BMP5: variants seen among roughly 807,000 people sequenced by gnomAD.
BMP5 encodes the protein bone morphogenetic protein 5.
In BMP5, 23 loss-of-function variants were observed where a neutral mutation model predicts 46.6. The ratio of observed to expected loss-of-function variants is 0.49; its 90% CI spans 0.35 to 0.70. BMP5 has a LOEUF of 0.70. Ranked by LOEUF, BMP5 falls within the 30% of genes least tolerant of loss-of-function variation. The probability of loss-of-function intolerance (pLI) is 0.00; values close to 1 mark genes in which losing one functional copy is unlikely to be tolerated. For synonymous variants in BMP5, 204 were observed against 191.9 expected (o/e 1.06, Z -0.52); for missense variants, 545 against 565.6 (o/e 0.96, Z 0.37).
intron 2 of BMP5, 73 bp downstream of exon 2, chr6:55,819,580 CAT>C: frequency 3.4e-6 from 4 of 1,186,252 alleles, no homozygotes; most frequent in Non-Finnish European, 4.9e-6. Context: ...TGATAGATCA[CAT>C]GAGTTATCAA....
At chr6:55,857,222 A>G (rs1341710696) in intron 1 of BMP5, among the ~76,000 whole-genome samples, 1 of 152,176 alleles carries the variant, frequency 6.6e-6, no homozygotes, top group African/African-American at 2.4e-5. Context: ...AGCTAACACA[A>G]TATGTTACTT....
chr6:55,850,427 GTAGA>G (rs934675002), intron 1 of BMP5, among the ~76,000 whole-genome samples: 3 of 151,902 alleles, frequency 2.0e-5, no homozygotes, highest in Non-Finnish European at 2.9e-5. Context: ...TAGATTAGAG[GTAGA>G]TAGATAGATC....
At chr6:55,794,750 A>G (rs1775664804) in intron 2 of BMP5, among the ~76,000 whole-genome samples, 1 of 152,194 alleles carries the variant, frequency 6.6e-6, no homozygotes, top group South Asian at 2.1e-4. Context: ...ATCTGTAAGT[A>G]GTCCTCAAAA....
intron 3 of BMP5, among the ~76,000 whole-genome samples, chr6:55,787,602 A>G (rs16887169): frequency 0.021 from 3,171 of 151,744 alleles, 131 homozygotes; most frequent in East Asian, 0.14. Flanking sequence ...CCCAATGTTG[A>G]AGAAAAAGAT....
Position 55,806,111 on chromosome 6 carries a change from G to C in BMP5, c.684-11684C>G, listed in dbSNP as rs372449181. ...ATTACTTTTGGCTTTTGTTGCAATT[G>C]CTTTTGGCATTTTCATCATAAAGTA... On this transcript the variant is annotated intron_variant, in intron 2 of 6. Coordinates refer to ENST00000370830, the MANE Select transcript of BMP5 (RefSeq NM_021073.4). 5.1e-4 allele frequency among the ~76,000 whole-genome samples: 78 copies of C among 152,148 alleles called. No individual in the cohort carries two copies. In the South Asian group the frequency reaches 0.016, roughly 31 times the overall value.
chr6:55,848,950 C>T (rs1219919736), intron 1 of BMP5, among the ~76,000 whole-genome samples: 10 of 152,034 alleles, frequency 6.6e-5, no homozygotes, highest in Non-Finnish European at 1.3e-4. Flanking sequence ...AATAAACACA[C>T]TTCATCTCTG....
chr6:55,859,316 C>G (rs1250371399), intron 1 of BMP5, among the ~76,000 whole-genome samples: 1 of 152,036 alleles, frequency 6.6e-6, no homozygotes, highest in Non-Finnish European at 1.5e-5. Flanking sequence ...TTTCTAAGAA[C>G]AGACTCTAAA....
intron 2 of BMP5, among the ~76,000 whole-genome samples, chr6:55,795,614 C>T (rs1396131251): frequency 6.6e-6 from 1 of 151,862 alleles, no homozygotes; most frequent in Non-Finnish European, 1.5e-5. Context: ...AAAAGTGAAC[C>T]ATTTTAACAA....
rs1202215544 is a variant in BMP5, at chr6:55,875,032, G to C, written c.-167C>G. The C allele has an allele frequency of 1.4e-6, 1 of 734,332 alleles. No homozygotes were observed. The highest frequency in any genetic ancestry group is 1.9e-5 in the South Asian group (1 of 53,412). 45.5% of individuals were successfully genotyped at this position (734,332 alleles called of 1,614,324 possible). ...GCACAACATCCTCACCGATTTTCCT[G>C]TCCTATTTTAAATATTTTGGAATAT... On this transcript the variant is annotated 5_prime_UTR_variant, in exon 1 of 7. Transcript: ENST00000370830.
intron 4 of BMP5, among the ~76,000 whole-genome samples, chr6:55,767,641 G>A (rs185601446): frequency 6.6e-6 from 1 of 151,792 alleles, no homozygotes; most frequent in African/African-American, 2.4e-5. Context: ...TTTCAGGAGG[G>A]GTTTCCAGAA....
intron 2 of BMP5, among the ~76,000 whole-genome samples, chr6:55,798,004 G>T (rs1305656681): frequency 6.6e-6 from 1 of 152,116 alleles, no homozygotes; most frequent in Non-Finnish European, 1.5e-5. Context: ...CAAAATCAAG[G>T]TGTCAGCAGG....
chr6:55,831,340 G>A (rs915438743), intron 1 of BMP5, among the ~76,000 whole-genome samples: 2 of 152,008 alleles, frequency 1.3e-5, no homozygotes, highest in Non-Finnish European at 2.9e-5. Flanking sequence ...ATTATTACCA[G>A]ATAGCTGAGA....
At chr6:55,824,360 A>G (rs568875541) in intron 1 of BMP5, among the ~76,000 whole-genome samples, 162 of 152,076 alleles carry the variant, frequency 1.1e-3, no homozygotes, top group African/African-American at 3.8e-3. Flanking sequence ...TCCTTAATGT[A>G]TATTTTACAT....
At chr6:55,819,552 C>G in intron 2 of BMP5, 103 bp downstream of exon 2, 2 of 966,914 alleles carry the variant, frequency 2.1e-6, no homozygotes, top group South Asian at 2.9e-5. Context: ...TACATTGCCC[C>G]CAAAAAAATA....
At chr6:55,801,141 C>G (rs1775839830) in intron 2 of BMP5, among the ~76,000 whole-genome samples, 1 of 152,192 alleles carries the variant, frequency 6.6e-6, no homozygotes, top group African/African-American at 2.4e-5. Context: ...TAAGCTGGAA[C>G]TACTGTGTAT....
intron 1 of BMP5, among the ~76,000 whole-genome samples, chr6:55,831,766 C>A (rs1216621653): frequency 6.6e-6 from 1 of 152,004 alleles, no homozygotes; most frequent in Non-Finnish European, 1.5e-5. Context: ...CAAAAAATTT[C>A]AAGACTAAAA....
intron 1 of BMP5, among the ~76,000 whole-genome samples, chr6:55,873,303 T>C (rs920546448): frequency 6.6e-6 from 1 of 151,978 alleles, no homozygotes; most frequent in Admixed American, 6.6e-5. Flanking sequence ...GATTGCATTT[T>C]TAAAACAAAG....
intron 4 of BMP5, among the ~76,000 whole-genome samples, chr6:55,761,532 C>T (rs1303920535): frequency 6.6e-6 from 1 of 152,010 alleles, no homozygotes; most frequent in Non-Finnish European, 1.5e-5. Context: ...CTCCAGCCAC[C>T]ATACCTCCTT....
chr6:55,759,146 A>ACACACACAC, intron 5 of BMP5, 31 bp from the exon 6 acceptor site: 4 of 143,170 alleles, frequency 2.8e-5, no homozygotes, highest in South Asian at 1.1e-4. Flanking sequence ...CACACACACA[A>ACACACACAC]AAAAAAAAAA....
Sources: allele counts gnomAD v4.1 joint callset (sites outside exome capture counted in the v4.1 genomes callset), GRCh38; gene constraint gnomAD v4.1.1; transcripts MANE v1.5; gene names NCBI Gene and HGNC (gene_info 2026-07-23, HGNC 2026-07-21).